The following GPR139 variants were observed in gnomAD, a reference collection of about 807,000 sequenced individuals.
GPR139 encodes G protein-coupled receptor 139.
Under a neutral mutation model 25.8 loss-of-function variants are expected in GPR139, and 12 were observed. The observed-to-expected ratio is 0.47, with a 90% confidence interval of 0.30 to 0.75. The LOEUF (loss-of-function observed/expected upper bound fraction) is 0.75. Among genes scored for constraint, GPR139 ranks in the 30% least tolerant of loss-of-function variants. The pLI is 0.07. For synonymous variants in GPR139, 184 were observed against 179.9 expected, an observed-to-expected ratio of 1.02 and a Z score of -0.18; for missense variants, 380 against 450.2, an observed-to-expected ratio of 0.84 and a Z score of 1.41.
intron 1 of GPR139, among the ~76,000 whole-genome samples, chr16:20,037,539 G>T (rs1304423753): frequency 1.3e-5 from 2 of 152,138 alleles, no homozygotes; most frequent in Admixed American, 1.3e-4. Context: ...TAGGCAGTGG[G>T]ATTGGCAAGT....
Position 20,041,228 on chromosome 16 carries a change from GAGGAGAGGAGAGGAGAGGAGAGGGA to G in GPR139, c.128-8584_128-8560del, listed in dbSNP as rs2057332570. 3.9e-4 allele frequency among the ~76,000 whole-genome samples: 2 copies of G among 5,082 alleles called. 1 individual carries two copies. Among genetic ancestry groups the G allele is most frequent in the African/African-American group, 1.5e-3 (2 of 1,324 alleles). The allele number at this position is 5,082 out of a possible 152,430, so 3.3% of individuals were successfully genotyped here. ...GAGGAGAGGAGAGGAGAGGAGAGGA[GAGGAGAGGAGAGGAGAGGAGAGGGA>G]AGGAGAAAAGAAAAGCATCTCTCTC... On this transcript the variant is annotated intron_variant, in intron 1 of 1. Coordinates refer to ENST00000570682, the MANE Select transcript of GPR139 (RefSeq NM_001002911.4).
chr16:20,031,797 AGT>A lies in GPR139; in HGVS notation c.998_999del (p.His333LeufsTer10). 6.2e-7 allele frequency: 1 copy of A among 1,614,224 alleles called. No homozygotes were observed. Among genetic ancestry groups the A allele is most frequent in the South Asian group, 1.1e-5 (1 of 91,082 alleles). ...TACTGGTACACCAGCATCTTGATGC[AGT>A]GTGAGTTTGCCGGCGAGATCCAGGG... The part of the protein sequence containing the change: ...SSPWISPANS[H>X]CIKMLVYQYD... On this transcript the variant is annotated frameshift_variant, in exon 2 of 2. Coordinates refer to ENST00000570682, the MANE Select transcript of GPR139 (RefSeq NM_001002911.4). LOFTEE classifies it high-confidence loss of function.
intron 1 of GPR139, among the ~76,000 whole-genome samples, chr16:20,041,129 AGG>A (rs2057329244): frequency 3.0e-3 from 1 of 338 alleles, no homozygotes; most frequent in Non-Finnish European, 0.012. Flanking sequence ...AGGAAAGGAA[AGG>A]AGAGGAGAGG....
rs887710954 is a variant in GPR139, at chr16:20,030,721, T to C, written c.*1014A>G. Among the ~76,000 whole-genome samples the C allele has an allele frequency of 6.6e-6, 1 of 152,208 alleles. No homozygotes were observed. Among genetic ancestry groups the C allele is most frequent in the African/African-American group, 2.4e-5 (1 of 41,450 alleles). ...GTGAGACAGAGCTGAGAACACCTCC[T>C]CTCATACCCGCAGAGCTGCAGTTCC... On this transcript the variant is annotated 3_prime_UTR_variant, in exon 2 of 2. Transcript: ENST00000570682.
chr16:20,073,555 G>A lies in GPR139; in HGVS notation c.62C>T (p.Ser21Leu), dbSNP rs753759452. ...GGGCACGAAACCCAAGCCGCAGGCCGAGCCGGGGGACCACCAAGACAGCGA... is the reference window on the plus strand; with the variant it reads ...GGGCACGAAACCCAAGCCGCAGGCCAAGCCGGGGGACCACCAAGACAGCGA... ...NSSLSWWSPGSACGLGFVPVV... is the reference protein window; with the variant it reads ...NSSLSWWSPGLACGLGFVPVV... The change falls in exon 1 of 2, where the codon TCG becomes TTG. Residue 21 changes from serine to leucine, a missense_variant. Physicochemically the swap from Ser to Leu is moderately radical, Grantham distance 145. Coordinates refer to ENST00000570682, the MANE Select transcript of GPR139 (RefSeq NM_001002911.4). This position sits in a 1 kb window ranked among gnomAD's most constrained non-coding sequence, Gnocchi z 4.7. 3.1e-6 allele frequency: 5 copies of A among 1,611,092 alleles called. No individual in the cohort carries two copies. Among genetic ancestry groups the A allele is most frequent in the Admixed American group, 3.3e-5 (2 of 59,788 alleles).
rs776992426 is a variant in GPR139 at position 20,032,674 on chromosome 16, G to A, written c.128-5C>T. 1.9e-6 allele frequency: 3 copies of A among 1,592,002 alleles called. No homozygotes were observed. The highest frequency in any genetic ancestry group is 1.1e-5 in the South Asian group (1 of 89,474). On this transcript the variant is annotated splice_polypyrimidine_tract_variant and splice_region_variant and intron_variant, in intron 1 of 1. Coordinates refer to ENST00000570682, the MANE Select transcript of GPR139 (RefSeq NM_001002911.4). Reference sequence around the variant, plus strand: ...TGATCACTGTCAAGATATTTGCTGTGGAGAGAAGAAAAACTGGTTTAGCTC... The same window carrying A: ...TGATCACTGTCAAGATATTTGCTGTAGAGAGAAGAAAAACTGGTTTAGCTC...
At chr16:20,048,140 T>C (rs1040517743) in intron 1 of GPR139, among the ~76,000 whole-genome samples, 1 of 152,198 alleles carries the variant, frequency 6.6e-6, no homozygotes, top group Non-Finnish European at 1.5e-5. Flanking sequence ...TAACTTAACA[T>C]TGCAGAGAAG....
At chr16:20,042,233 G>A (rs1434378052) in intron 1 of GPR139, among the ~76,000 whole-genome samples, 3 of 152,188 alleles carry the variant, frequency 2.0e-5, no homozygotes, top group Admixed American at 6.5e-5. Context: ...CTGGTACATA[G>A]TAAGCACTCA....
At chr16:20,050,292 G>T (rs2057367641) in intron 1 of GPR139, among the ~76,000 whole-genome samples, 1 of 152,190 alleles carries the variant, frequency 6.6e-6, no homozygotes, top group Non-Finnish European at 1.5e-5. Flanking sequence ...GGAACGAAAT[G>T]TGCAAAGGCC....
At chr16:20,036,430 A>G (rs1364297844) in intron 1 of GPR139, among the ~76,000 whole-genome samples, 2 of 152,230 alleles carry the variant, frequency 1.3e-5, no homozygotes, top group Non-Finnish European at 2.9e-5. Flanking sequence ...CTGCCAATAA[A>G]GAAGTTTCCA....
intron 1 of GPR139, among the ~76,000 whole-genome samples, chr16:20,047,638 C>T (rs976443241): frequency 6.6e-6 from 1 of 152,064 alleles, no homozygotes; most frequent in African/African-American, 2.4e-5. Context: ...ATTTACATAC[C>T]CAGGGTTCCA....
At chr16:20,051,881 C>G (rs779257653) in intron 1 of GPR139, among the ~76,000 whole-genome samples, 1 of 152,148 alleles carries the variant, frequency 6.6e-6, no homozygotes, top group Non-Finnish European at 1.5e-5. Flanking sequence ...TGGTAACGAA[C>G]GTGGGCGCTG....
In GPR139 at chr16:20,073,238, C is replaced by T. The variant is rs982794048; in HGVS notation, c.127+252G>A. On this transcript the variant is annotated intron_variant, in intron 1 of 1. Coordinates refer to ENST00000570682, the MANE Select transcript of GPR139 (RefSeq NM_001002911.4). The surrounding 1 kb of genome is among the most constrained non-coding windows in gnomAD (Gnocchi z 4.7). ...ATGCTCACATGCCCAGCCCATCGCC[C>T]GCCGTCACAGTCATCACACACACAC... is the stretch of plus-strand genomic sequence containing the variant. 1.3e-5 allele frequency among the ~76,000 whole-genome samples: 2 copies of T among 149,508 alleles called. No individual in the cohort carries two copies. Among genetic ancestry groups the T allele is most frequent in the Non-Finnish European group, 3.0e-5 (2 of 67,422 alleles).
intron 1 of GPR139, among the ~76,000 whole-genome samples, chr16:20,058,755 G>A (rs2057400302): frequency 2.0e-5 from 3 of 152,166 alleles, no homozygotes. Context: ...CGACAGTGCT[G>A]AAGGTGACCT....
intron 1 of GPR139, among the ~76,000 whole-genome samples, chr16:20,041,227 A>G (rs941473414): frequency 6.3e-4 from 3 of 4,732 alleles, no homozygotes; most frequent in Non-Finnish European, 1.6e-3. Context: ...AGAGGAGAGG[A>G]GAGGAGAGGA....
At chr16:20,058,620 C>T (rs560498253) in intron 1 of GPR139, among the ~76,000 whole-genome samples, 1 of 152,276 alleles carries the variant, frequency 6.6e-6, no homozygotes, top group African/African-American at 2.4e-5. Flanking sequence ...GGAATCTCCA[C>T]CTTGGACTTG....
chr16:20,070,602 T>A (rs558018266), intron 1 of GPR139, among the ~76,000 whole-genome samples: 1 of 152,358 alleles, frequency 6.6e-6, no homozygotes, highest in South Asian at 2.1e-4. Context: ...CATCCACCAC[T>A]TTCCTGTGAT....
In GPR139 at chr16:20,073,633, C is replaced by T. The variant is rs371190510; in HGVS notation, c.-17G>A. On this transcript the variant is annotated 5_prime_UTR_variant, in exon 1 of 2. Coordinates refer to ENST00000570682, the MANE Select transcript of GPR139 (RefSeq NM_001002911.4). This position sits in a 1 kb window ranked among gnomAD's most constrained non-coding sequence, Gnocchi z 4.7. ...GTGCTCCATGAGCGCGCCCCTCGCT[C>T]CCCTTGCCGCTTCGCGCCCGGCCTG... The T allele has an allele frequency of 1.3e-6, 2 of 1,562,948 alleles. No individual in the cohort carries two copies. Among genetic ancestry groups the T allele is most frequent in the African/African-American group, 1.4e-5 (1 of 72,954 alleles).
At chr16:20,056,874 A>G (rs1436631710) in intron 1 of GPR139, among the ~76,000 whole-genome samples, 2 of 152,202 alleles carry the variant, frequency 1.3e-5, no homozygotes, top group African/African-American at 4.8e-5. Flanking sequence ...CTTTTTAAGG[A>G]AGAGGGAACT....
Sources: allele counts gnomAD v4.1 joint callset (sites outside exome capture counted in the v4.1 genomes callset), GRCh38; gene constraint gnomAD v4.1.1; non-coding constraint Gnocchi (gnomAD v3.1); transcripts MANE v1.5; gene names NCBI Gene and HGNC (gene_info 2026-07-23, HGNC 2026-07-21).